The following FAM120A variants were observed in gnomAD, a reference collection of about 807,000 sequenced individuals.
The protein encoded by FAM120A is constitutive coactivator of PPAR-gamma-like protein 1.
Under a neutral mutation model 109.7 loss-of-function variants are expected in FAM120A, and 15 were observed. That is an observed-to-expected ratio of 0.14 (90% CI 0.09 to 0.21). The LOEUF (loss-of-function observed/expected upper bound fraction) is 0.21, where lower values mean the gene tolerates loss of function less well. Ranked by LOEUF, FAM120A falls within the 10% of genes least tolerant of loss-of-function variation. The pLI, the probability that FAM120A is intolerant of heterozygous loss-of-function variation, is 1.00. For missense variants in FAM120A, 899 were observed against 1,439.3 expected (o/e 0.62, Z 6.07); for synonymous variants, 493 against 572.8 (o/e 0.86, Z 1.99).
At chr9:93,558,915 T>A (rs1862385860) in intron 15 of FAM120A, among the ~76,000 whole-genome samples, 197 bp downstream of exon 15, 1 of 152,232 alleles carries the variant, frequency 6.6e-6, no homozygotes, top group Admixed American at 6.5e-5. Context: ...GCGGCTCTGC[T>A]GTGGCCAGTC....
chr9:93,464,772 T>C (rs925898530), intron 1 of FAM120A, among the ~76,000 whole-genome samples: 4 of 152,254 alleles, frequency 2.6e-5, no homozygotes, highest in Non-Finnish European at 5.9e-5. Flanking sequence ...GTTCGAAGTC[T>C]GATTTACCTC....
intron 3 of FAM120A, among the ~76,000 whole-genome samples, chr9:93,487,507 T>G (rs1859115150): frequency 6.6e-6 from 1 of 152,220 alleles, no homozygotes; most frequent in Non-Finnish European, 1.5e-5. Context: ...AGTCTATTAT[T>G]AGATATATGA....
chr9:93,459,170 G>A (rs541954109), intron 1 of FAM120A, among the ~76,000 whole-genome samples: 144 of 152,290 alleles, frequency 9.5e-4, no homozygotes, highest in Non-Finnish European at 1.8e-3. Context: ...CACACAGCAT[G>A]GTGTATGTTT....
At chr9:93,541,286 T>G (rs1861690251) in intron 10 of FAM120A, among the ~76,000 whole-genome samples, 1 of 152,070 alleles carries the variant, frequency 6.6e-6, no homozygotes, top group African/African-American at 2.4e-5. Context: ...AGCCTTGGTG[T>G]TGGATCACAG....
intron 10 of FAM120A, among the ~76,000 whole-genome samples, chr9:93,538,133 A>G (rs1304648620): frequency 6.6e-6 from 1 of 152,144 alleles, no homozygotes; most frequent in East Asian, 1.9e-4. Flanking sequence ...GAATATGAAC[A>G]GCATTTATCT....
intron 3 of FAM120A, among the ~76,000 whole-genome samples, chr9:93,483,451 C>A (rs1017594445): frequency 6.6e-6 from 1 of 151,720 alleles, no homozygotes; most frequent in African/African-American, 2.4e-5. Flanking sequence ...TTTGACTGAA[C>A]CCTCTGATTT....
rs1860577005 is a variant in FAM120A, at chr9:93,516,238, G to A, written c.1387G>A (p.Asp463Asn). The A allele has an allele frequency of 2.5e-6, 4 of 1,613,378 alleles. No individual in the cohort carries two copies. The highest frequency in any genetic ancestry group is 2.2e-5 in the East Asian group (1 of 44,848). The change falls in exon 7 of 18, where the codon GAC becomes AAC. Residue 463 changes from aspartate to asparagine, a missense_variant. Asp to Asn is a conservative substitution (Grantham distance 23, BLOSUM62 1). Transcript: ENST00000277165. ...FPGSSTSSSS[D>N]NDEGSGGATN... is the part of the protein sequence containing the mutation. ...TGGCTCTTCTACATCGTCATCTTCCGACAACGACGAGGGCAGCGGAGGGGC... is the reference window on the plus strand; with the variant it reads ...TGGCTCTTCTACATCGTCATCTTCCAACAACGACGAGGGCAGCGGAGGGGC...
chr9:93,492,680 G>A (rs920905928), intron 3 of FAM120A, among the ~76,000 whole-genome samples: 3 of 152,150 alleles, frequency 2.0e-5, no homozygotes, highest in African/African-American at 7.2e-5. Context: ...GTGGTGGAGG[G>A]TGGCTGGTGG....
At position 93,452,817 on chromosome 9, in the gene FAM120A, A is replaced by G. The variant is rs79841001; in HGVS notation, c.474+428A>G. 2.0e-3 allele frequency: 3,227 copies of G among 1,575,862 alleles called. 63 individuals are homozygous for G. The African/African-American group carries it at 0.037, about 18-fold the overall frequency. ...CAACAGGTTCATCTTGGAAGCAGGC[A>G]GGATACAGAGTAATAGAGGGGGTTT... On this transcript the variant is annotated intron_variant, in intron 1 of 17. Coordinates refer to ENST00000277165, the MANE Select transcript of FAM120A (RefSeq NM_014612.5). The surrounding 1 kb of genome is among the most constrained non-coding windows in gnomAD (Gnocchi z 7.0).
chr9:93,489,779 G>A (rs1383476616), intron 3 of FAM120A, among the ~76,000 whole-genome samples: 1 of 152,136 alleles, frequency 6.6e-6, no homozygotes, highest in Non-Finnish European at 1.5e-5. Context: ...ACAATTCTGG[G>A]GTCTATGTGT....
At chr9:93,561,084 G>A in intron 15 of FAM120A, 25 bp from the exon 16 acceptor site, 1 of 1,609,760 alleles carries the variant, frequency 6.2e-7, no homozygotes, top group Non-Finnish European at 8.5e-7. Flanking sequence ...TAAAGATTTT[G>A]TCTTTTTGTA....
At position 93,498,910 on chromosome 9, in the gene FAM120A, C is replaced by T; in HGVS notation, c.1030+24C>T. ...AGGTAAGTAAATAAAAGCCTGTGAT[C>T]AATATTGACCATATGATAATCCAAG... On this transcript the variant is annotated intron_variant, in intron 5 of 17. Transcript: ENST00000277165. This position sits in a 1 kb window ranked among gnomAD's most constrained non-coding sequence, Gnocchi z 4.4. The T allele has an allele frequency of 8.0e-7, 1 of 1,252,498 alleles. No individual in the cohort carries two copies. Among genetic ancestry groups the T allele is most frequent in the Non-Finnish European group, 1.2e-6 (1 of 851,444 alleles). 77.6% of individuals were successfully genotyped at this position (1,252,498 alleles called of 1,614,324 possible). A position where few individuals can be genotyped will look rare whatever the true frequency, so the allele number is the denominator to read the frequency against.
At chr9:93,457,701 A>G (rs1307379184) in intron 1 of FAM120A, among the ~76,000 whole-genome samples, 1 of 152,210 alleles carries the variant, frequency 6.6e-6, no homozygotes, top group Admixed American at 6.5e-5. Flanking sequence ...TGCCAAGCGA[A>G]GGAAAACTTG....
In FAM120A at chr9:93,513,310, A is replaced by G. The variant is rs116033999; in HGVS notation, c.1031-2357A>G. ...AACAGCTCCTTGTATTGTCTGTGCC[A>G]TGCGTGTGTGTGCGCCATGCATGCA... On this transcript the variant is annotated intron_variant, in intron 5 of 17. Transcript: ENST00000277165. Among the ~76,000 whole-genome samples the G allele has an allele frequency of 5.4e-3, 829 of 152,314 alleles. 10 individuals are homozygous for G. Among genetic ancestry groups the G allele is most frequent in the African/African-American group, 0.019 (795 of 41,562 alleles).
At chr9:93,478,496 A>C (rs1858644756) in intron 3 of FAM120A, among the ~76,000 whole-genome samples, 1 of 152,164 alleles carries the variant, frequency 6.6e-6, no homozygotes, top group Admixed American at 6.5e-5. Context: ...TTTTTATTTG[A>C]GACAGAGTCT....
Position 93,562,246 on chromosome 9 carries a change from C to T in FAM120A, c.2987C>T (p.Thr996Ile). Residue 996 changes from threonine (T) to isoleucine (I), a missense_variant, in exon 17 of 18, where the codon ACA (threonine) becomes ATA (isoleucine). By Grantham distance (89) the Thr-to-Ile change is moderately conservative. Coordinates refer to ENST00000277165, the MANE Select transcript of FAM120A (RefSeq NM_014612.5). ...RGVISTPVIRTFGRGGRYYGR... is the reference protein window; with the variant it reads ...RGVISTPVIRIFGRGGRYYGR... ...GTTATTTCCACCCCAGTGATTAGAA[C>T]ATTTGGAAGAGGTGGAAGGTACTAT... 6.2e-7 allele frequency: 1 copy of T among 1,614,094 alleles called. No individual in the cohort carries two copies. Among genetic ancestry groups the T allele is most frequent in the Non-Finnish European group, 8.5e-7 (1 of 1,179,968 alleles).
In FAM120A at chr9:93,543,205, G is replaced by C. The variant is rs1277680925; in HGVS notation, c.1910-17G>C. 1 of 1,610,050 alleles carries C rather than the reference G, an allele frequency of 6.2e-7. No individual in the cohort carries two copies. The highest frequency in any genetic ancestry group is 8.5e-7 in the Non-Finnish European group (1 of 1,176,906). On this transcript the variant is annotated splice_polypyrimidine_tract_variant and intron_variant, in intron 10 of 17. Transcript: ENST00000277165. The stretch of plus-strand genomic sequence containing the variant: ...ATGATGCATGAATGTGTCTTCTCTG[G>C]CTTTTTTTTCCTGTAGTTTCACCAG...
intron 2 of FAM120A, among the ~76,000 whole-genome samples, chr9:93,472,296 T>C (rs1475958251): frequency 1.2e-4 from 19 of 152,204 alleles, no homozygotes. Context: ...AATATATTTG[T>C]CTGTCACTTT....
chr9:93,558,155 G>A lies in FAM120A; in HGVS notation c.2668+145G>A, dbSNP rs138408290. ...CCTGCAGCAGCAGTTCTTCAAGTCCGTGAGGAGCAAGTTTAATCCTGGAGA... is the reference window on the plus strand; with the variant it reads ...CCTGCAGCAGCAGTTCTTCAAGTCCATGAGGAGCAAGTTTAATCCTGGAGA... On this transcript the variant is annotated intron_variant, in intron 14 of 17. Transcript: ENST00000277165. 106 of 862,182 alleles carry A rather than the reference G, an allele frequency of 1.2e-4. No individual in the cohort carries two copies. In the African/African-American group the frequency reaches 1.3e-3, roughly 11 times the overall value. 53.4% of individuals were successfully genotyped at this position (862,182 alleles called of 1,614,324 possible). A position where few individuals can be genotyped will look rare whatever the true frequency, so the allele number is the denominator to read the frequency against.
Sources: allele counts gnomAD v4.1 joint callset (sites outside exome capture counted in the v4.1 genomes callset), GRCh38; gene constraint gnomAD v4.1.1; non-coding constraint Gnocchi (gnomAD v3.1); transcripts MANE v1.5; gene names NCBI Gene and HGNC (gene_info 2026-07-23, HGNC 2026-07-21).